Variants in UGT2B28 observed in about 807,000 individuals in gnomAD.
UGT2B28 encodes the protein UDP glucuronosyltransferase family 2 member B28.
Under a neutral mutation model 43.6 loss-of-function variants are expected in UGT2B28, and 45 were observed. That is an observed-to-expected ratio of 1.03 (90% CI 0.81 to 1.32). The LOEUF (loss-of-function observed/expected upper bound fraction) is 1.32, where lower values mean the gene tolerates loss of function less well. Among genes scored for constraint, UGT2B28 ranks in the 40% most tolerant of loss-of-function variants. The probability of loss-of-function intolerance (pLI) is 0.00; values close to 1 mark genes in which losing one functional copy is unlikely to be tolerated. For missense variants in UGT2B28, 649 were observed against 625.5 expected, an observed-to-expected ratio of 1.04 and a Z score of -0.40; for synonymous variants, 204 against 208.1, an observed-to-expected ratio of 0.98 and a Z score of 0.17.
In UGT2B28 at chr4:69,280,886, A is replaced by T. The variant is rs1723580507; in HGVS notation, c.386A>T (p.Asp129Val). The T allele has an allele frequency of 2.0e-5, 31 of 1,557,944 alleles. 4 individuals carry two copies. The highest frequency in any genetic ancestry group is 2.7e-5 in the Non-Finnish European group (31 of 1,155,206). ...GACATATTTAGAAACTTCTGTAAAG[A>T]TGTAGTTTCAAATAAGAAAGTTATG... ...FHDIFRNFCK[D>V]VVSNKKVMKK... Residue 129 changes from aspartate to valine, a missense_variant, in exon 1 of 6, where the codon GAT becomes GTT. Asp to Val is a radical substitution (Grantham distance 152). Transcript: ENST00000335568.
intron 5 of UGT2B28, among the ~76,000 whole-genome samples, chr4:69,293,325 G>A (rs1201576433): frequency 7.1e-6 from 1 of 140,830 alleles, no homozygotes; most frequent in Non-Finnish European, 1.5e-5. Flanking sequence ...GACCTGAACA[G>A]TAGGTAAATT....
At position 69,284,141 on chromosome 4, in the gene UGT2B28, A is replaced by G. The variant is rs1262558536; in HGVS notation, c.870+1479A>G. Among the ~76,000 whole-genome samples, 4 of 140,232 alleles carry G rather than the reference A, an allele frequency of 2.9e-5. 1 individual carries two copies. Among genetic ancestry groups the G allele is most frequent in the Non-Finnish European group, 6.1e-5 (4 of 65,608 alleles). 92.0% of individuals were successfully genotyped at this position (140,232 alleles called of 152,430 possible). On this transcript the variant is annotated intron_variant, in intron 2 of 5. Coordinates refer to ENST00000335568, the MANE Select transcript of UGT2B28 (RefSeq NM_053039.2). Reference sequence around the variant, plus strand: ...CAACTCAGTAAAGCTTTCTGGGGGAACTTATCTCAACATCATAGGTGCCTG... The same window carrying G: ...CAACTCAGTAAAGCTTTCTGGGGGAGCTTATCTCAACATCATAGGTGCCTG...
intron 1 of UGT2B28, 145 bp downstream of exon 1, chr4:69,281,366 C>A (rs1287423704): frequency 9.3e-7 from 1 of 1,072,146 alleles, no homozygotes; most frequent in Non-Finnish European, 1.2e-6. Context: ...CTATCAATCT[C>A]ACAAACATTA....
intron 4 of UGT2B28, among the ~76,000 whole-genome samples, chr4:69,290,150 C>T (rs1242579091): frequency 7.2e-6 from 1 of 139,782 alleles, no homozygotes; most frequent in Non-Finnish European, 1.5e-5. Context: ...GGACTAAATT[C>T]CTAATCTTAA....
chr4:69,283,682 T>G (rs1166757408), intron 2 of UGT2B28, among the ~76,000 whole-genome samples: 3 of 141,112 alleles, frequency 2.1e-5, no homozygotes, highest in African/African-American at 8.3e-5. Flanking sequence ...ATGTTATTAA[T>G]TTTGCAATTA....
rs189553759 is a variant in UGT2B28, at chr4:69,289,456, G to T, written c.1003-209G>T. 2.0e-4 allele frequency among the ~76,000 whole-genome samples: 28 copies of T among 139,578 alleles called. 2 individuals carry two copies. In the East Asian group the frequency reaches 5.7e-3, roughly 29 times the overall value. The allele number at this position is 139,578 out of a possible 152,430, so 91.6% of individuals were successfully genotyped here. A position where few individuals can be genotyped will look rare whatever the true frequency, so the allele number is the denominator to read the frequency against. ...TTCATTGATAATCTTATTTTTCTAC[G>T]GTACTATTTTGGAAAATAATGGTTT... On this transcript the variant is annotated intron_variant, in intron 3 of 5. Coordinates refer to ENST00000335568, the MANE Select transcript of UGT2B28 (RefSeq NM_053039.2).
intron 2 of UGT2B28, 51 bp from the exon 3 acceptor site, chr4:69,286,701 A>T: frequency 6.5e-7 from 1 of 1,528,960 alleles, no homozygotes; most frequent in South Asian, 1.2e-5. Context: ...ATTCTTTAGT[A>T]GTGCCTGCTG....
chr4:69,280,988 T>G lies in UGT2B28; in HGVS notation c.488T>G (p.Leu163Arg), dbSNP rs546933669. The change falls in exon 1 of 6, where the codon CTA (leucine) becomes CGA (arginine). Residue 163 changes from leucine to arginine, a missense_variant. Physicochemically the swap from Leu to Arg is moderately radical, Grantham distance 102 (BLOSUM62 -2). Coordinates refer to ENST00000335568, the MANE Select transcript of UGT2B28 (RefSeq NM_053039.2). ...CCTTGTGGTGAGCTGCTGGCTGCGC[T>G]ACTTAACATACCGTTTGTGTACAGT... ...FFPCGELLAA[L>R]LNIPFVYSLC... 4.4e-5 allele frequency: 69 copies of G among 1,560,458 alleles called. 15 individuals are homozygous for G. In the South Asian group the frequency reaches 8.2e-4, roughly 18 times the overall value.
chr4:69,291,722 T>G, intron 5 of UGT2B28, among the ~76,000 whole-genome samples: 1 of 105,564 alleles, frequency 9.5e-6, no homozygotes, highest in East Asian at 2.5e-4. Context: ...CATGTTTTAC[T>G]TTCTTTTGGG....
rs1366942284 is a variant in UGT2B28, at chr4:69,282,269, T to A, written c.722-245T>A. On this transcript the variant is annotated intron_variant, in intron 1 of 5. Coordinates refer to ENST00000335568, the MANE Select transcript of UGT2B28 (RefSeq NM_053039.2). ...TTTTAATAATTGTGAGTACACTGAC[T>A]TGACATTAGAGATGTCGCTTAACTT... Among the ~76,000 whole-genome samples, 4 of 140,296 alleles carry A rather than the reference T, an allele frequency of 2.9e-5. 1 individual carries two copies. Among genetic ancestry groups the A allele is most frequent in the African/African-American group, 1.1e-4 (4 of 36,038 alleles). The allele number at this position is 140,296 out of a possible 152,430, so 92.0% of individuals were successfully genotyped here. A position where few individuals can be genotyped will look rare whatever the true frequency, so the allele number is the denominator to read the frequency against.
intron 1 of UGT2B28, among the ~76,000 whole-genome samples, chr4:69,281,486 T>C (rs1723609185): frequency 7.1e-6 from 1 of 140,708 alleles, no homozygotes; most frequent in Non-Finnish European, 1.5e-5. Context: ...CTTTAAGCAA[T>C]TACACATCTG....
rs1326734995 is a variant in UGT2B28 at position 69,290,151 on chromosome 4, C to A, written c.1090+399C>A. Among the ~76,000 whole-genome samples the A allele has an allele frequency of 2.1e-5, 3 of 139,848 alleles. 1 individual carries two copies. Among genetic ancestry groups the A allele is most frequent in the African/African-American group, 8.4e-5 (3 of 35,622 alleles). 91.7% of individuals were successfully genotyped at this position (139,848 alleles called of 152,430 possible). On this transcript the variant is annotated intron_variant, in intron 4 of 5. Transcript: ENST00000335568. ...CTGTATTATCTGGAGGACTAAATTCCTAATCTTAATCTTAAAGTAGTGACA... is the reference window on the plus strand; with the variant it reads ...CTGTATTATCTGGAGGACTAAATTCATAATCTTAATCTTAAAGTAGTGACA...
chr4:69,293,219 G>A (rs1446379795), intron 5 of UGT2B28, among the ~76,000 whole-genome samples: 2 of 139,480 alleles, frequency 1.4e-5, no homozygotes, highest in East Asian at 2.0e-4. Flanking sequence ...GTTGTGATTC[G>A]AAGTCAGGCT....
In UGT2B28 at chr4:69,280,995, C is replaced by T. The variant is rs374562639; in HGVS notation, c.495C>T (p.Asn165=). The change falls in exon 1 of 6, where the codon AAC becomes AAT. Residue 165 remains asparagine (N), a synonymous_variant. Transcript: ENST00000335568. ...GTGAGCTGCTGGCTGCGCTACTTAA[C>T]ATACCGTTTGTGTACAGTCTCTGCT... ...PCGELLAALL[N]IPFVYSLCFT... 1.9e-6 allele frequency: 3 copies of T among 1,560,156 alleles called. No homozygotes were observed. The highest frequency in any genetic ancestry group is 2.6e-6 in the Non-Finnish European group (3 of 1,155,652).
rs779514654 is a variant in UGT2B28, at chr4:69,280,601, G to A, written c.101G>A (p.Ser34Asn). The stretch of plus-strand genomic sequence containing the variant: ...GTGCTGGTGTGGACCGGTGAATACA[G>A]CCATTGGATGAATATGAAGACAATC... ...GKVLVWTGEYSHWMNMKTILK... is the reference protein window; with the variant it reads ...GKVLVWTGEYNHWMNMKTILK... The change falls in exon 1 of 6, where the codon AGC (serine) becomes AAC (asparagine). Residue 34 changes from serine to asparagine, a missense_variant. Physicochemically the swap from Ser to Asn is conservative, Grantham distance 46. Coordinates refer to ENST00000335568, the MANE Select transcript of UGT2B28 (RefSeq NM_053039.2). The A allele has an allele frequency of 6.4e-7, 1 of 1,560,686 alleles. No individual in the cohort carries two copies. The highest frequency in any genetic ancestry group is 8.7e-7 in the Non-Finnish European group (1 of 1,155,878).
rs1438123647 is a variant in UGT2B28, at chr4:69,289,810, T to C, written c.1090+58T>C. 1.7e-5 allele frequency: 24 copies of C among 1,408,778 alleles called. 3 individuals are homozygous for C. The highest frequency in any genetic ancestry group is 2.3e-5 in the Non-Finnish European group (24 of 1,046,184). The allele number at this position is 1,408,778 out of a possible 1,614,324, so 87.3% of individuals were successfully genotyped here. A position where few individuals can be genotyped will look rare whatever the true frequency, so the allele number is the denominator to read the frequency against. On this transcript the variant is annotated intron_variant, in intron 4 of 5. Coordinates refer to ENST00000335568, the MANE Select transcript of UGT2B28 (RefSeq NM_053039.2). ...TAGTAACTGCACATTAGAATGTTAA[T>C]AGTTTATCTTGAAACATGCTTATTG... is the stretch of plus-strand genomic sequence containing the variant.
chr4:69,284,389 T>G (rs1723709116), intron 2 of UGT2B28, among the ~76,000 whole-genome samples: 1 of 140,826 alleles, frequency 7.1e-6, no homozygotes, highest in South Asian at 2.4e-4. Flanking sequence ...GCATTATTAC[T>G]CAACCTCTTA....
In UGT2B28 at chr4:69,281,216, T is replaced by A. The variant is rs1305155948; in HGVS notation, c.716T>A (p.Val239Asp). 1.3e-6 allele frequency: 2 copies of A among 1,500,932 alleles called. No homozygotes were observed. The highest frequency in any genetic ancestry group is 1.8e-6 in the Non-Finnish European group (2 of 1,130,766). 93.0% of individuals were successfully genotyped at this position (1,500,932 alleles called of 1,614,324 possible). A position where few individuals can be genotyped will look rare whatever the true frequency, so the allele number is the denominator to read the frequency against. Residue 239 changes from valine to aspartate, a missense_variant, in exon 1 of 6, where the codon GTT (valine) becomes GAT (aspartate). By Grantham distance (152) the Val-to-Asp change is radical (BLOSUM62 -3). Coordinates refer to ENST00000335568, the MANE Select transcript of UGT2B28 (RefSeq NM_053039.2). ...AAGTGGGATCAGTTTTACAGTGAAG[T>A]TTTAGGTAAGAATTTGTTTAATCGG... ...MKKWDQFYSEVLGRPTTLFET... is the reference protein window; with the variant it reads ...MKKWDQFYSEDLGRPTTLFET...
At chr4:69,293,349 C>T (rs1451218969) in intron 5 of UGT2B28, among the ~76,000 whole-genome samples, 1 of 140,314 alleles carries the variant, frequency 7.1e-6, no homozygotes, top group African/African-American at 2.8e-5. Flanking sequence ...ATCTTCACCT[C>T]AAGATAATGT....
Sources: gnomAD v4.1 joint callset for allele counts (sites outside exome capture counted in the v4.1 genomes callset) on GRCh38, gnomAD v4.1.1 for gene constraint, MANE v1.5 for transcripts, NCBI Gene and HGNC (gene_info 2026-07-23, HGNC 2026-07-21) for gene names.